HMGA2: variants seen among roughly 807,000 people sequenced by gnomAD.
The protein encoded by HMGA2 is high mobility group AT-hook 2.
Under a neutral mutation model 19.1 loss-of-function variants are expected in HMGA2, and 8 were observed. The ratio of observed to expected loss-of-function variants is 0.42; its 90% confidence interval spans 0.25 to 0.76. The LOEUF is 0.76. Ranked by LOEUF, HMGA2 falls within the 30% of genes least tolerant of loss-of-function variation. The probability of loss-of-function intolerance (pLI) is 0.28; values close to 1 mark genes in which losing one functional copy is unlikely to be tolerated. For synonymous variants in HMGA2, 60 were observed against 48.8 expected (o/e 1.23, Z -0.96); for missense variants, 109 against 136.3 (o/e 0.80, Z 1.00).
chr12:65,867,345 A>G (rs1872478806), intron 3 of HMGA2: 2 of 333,740 alleles, frequency 6.0e-6, no homozygotes. Context: ...GAAAATCTGG[A>G]GGCCTTCTCA....
At chr12:65,872,401 G>C (rs1468373328) in intron 3 of HMGA2, among the ~76,000 whole-genome samples, 1 of 152,094 alleles carries the variant, frequency 6.6e-6, no homozygotes, top group African/African-American at 2.4e-5. Flanking sequence ...CTCGTCTCCA[G>C]GGTTATATCT....
intron 3 of HMGA2, among the ~76,000 whole-genome samples, chr12:65,883,383 C>A (rs976641468): frequency 6.6e-6 from 1 of 152,228 alleles, no homozygotes; most frequent in Non-Finnish European, 1.5e-5. Flanking sequence ...AATACCATTT[C>A]TTGAGCCCTT....
At chr12:65,949,947 A>C (rs561954951) in intron 3 of HMGA2, among the ~76,000 whole-genome samples, 2 of 152,350 alleles carry the variant, frequency 1.3e-5, no homozygotes, top group East Asian at 3.9e-4. Context: ...AGCACATGAA[A>C]AGATGCTCAA....
intron 3 of HMGA2, among the ~76,000 whole-genome samples, chr12:65,917,176 G>A (rs1271738552): frequency 6.6e-6 from 1 of 152,110 alleles, no homozygotes; most frequent in Non-Finnish European, 1.5e-5. Flanking sequence ...GGGGCACTAA[G>A]TGGTAATGCA....
chr12:65,918,388 G>A (rs1191099101), intron 3 of HMGA2, among the ~76,000 whole-genome samples: 1 of 152,214 alleles, frequency 6.6e-6, no homozygotes, highest in African/African-American at 2.4e-5. Flanking sequence ...GTGCACATAG[G>A]AAATGTAAGC....
chr12:65,826,373 T>G (rs972541056), intron 1 of HMGA2: 1 of 152,104 alleles, frequency 6.6e-6, no homozygotes, highest in African/African-American at 2.4e-5. Context: ...CGCTGTAATT[T>G]CCAAGCCGCG....
At chr12:65,865,255 T>G (rs1275204663) in intron 3 of HMGA2, among the ~76,000 whole-genome samples, 1 of 152,176 alleles carries the variant, frequency 6.6e-6, no homozygotes, top group East Asian at 1.9e-4. Context: ...CAGTTAAGTT[T>G]TGTGGAGTCA....
At chr12:65,929,381 CACTT>C (rs1287143020) in intron 3 of HMGA2, among the ~76,000 whole-genome samples, 1 of 150,998 alleles carries the variant, frequency 6.6e-6, no homozygotes, top group Non-Finnish European at 1.5e-5. Context: ...TAATTTTAAA[CACTT>C]ACTTGTTTTA....
intron 3 of HMGA2, among the ~76,000 whole-genome samples, chr12:65,846,696 G>A (rs1018035016): frequency 2.0e-5 from 3 of 152,140 alleles, no homozygotes; most frequent in Non-Finnish European, 2.9e-5. Context: ...AAACCCTAGA[G>A]TTCCAGTTCT....
intron 3 of HMGA2, among the ~76,000 whole-genome samples, chr12:65,840,852 T>C (rs150551400): frequency 2.4e-3 from 366 of 152,296 alleles, no homozygotes; most frequent in Non-Finnish European, 4.2e-3. Context: ...CAGTGGCAGT[T>C]AACCAGCAAA....
At chr12:65,952,396 T>A in intron 4 of HMGA2, 1 of 1,534,958 alleles carries the variant, frequency 6.5e-7, no homozygotes, top group Non-Finnish European at 8.7e-7. Flanking sequence ...CCGGGCAATC[T>A]TATATATCTA....
intron 3 of HMGA2, among the ~76,000 whole-genome samples, chr12:65,885,248 CT>C (rs1873604683): frequency 2.6e-5 from 4 of 151,764 alleles, no homozygotes; most frequent in Admixed American, 2.0e-4. Context: ...ATTTATCTTC[CT>C]TTTTTTTCTG....
intron 3 of HMGA2, among the ~76,000 whole-genome samples, chr12:65,879,806 T>G (rs189816924): frequency 8.2e-4 from 125 of 152,340 alleles, no homozygotes; most frequent in Non-Finnish European, 1.5e-3. Context: ...ATATATTCTA[T>G]GTATATATCC....
chr12:65,920,949 A>C (rs1394943413), intron 3 of HMGA2, among the ~76,000 whole-genome samples: 6 of 152,338 alleles, frequency 3.9e-5, no homozygotes, highest in Non-Finnish European at 5.9e-5. Context: ...GAAGACAGGA[A>C]AATGTGGGAA....
At chr12:65,890,256 A>G (rs1873845539) in intron 3 of HMGA2, among the ~76,000 whole-genome samples, 1 of 152,138 alleles carries the variant, frequency 6.6e-6, no homozygotes, top group African/African-American at 2.4e-5. Context: ...ACTCAACTCA[A>G]TAGTACAGAG....
chr12:65,939,761 T>C (rs1876023857), intron 3 of HMGA2, among the ~76,000 whole-genome samples: 1 of 152,172 alleles, frequency 6.6e-6, no homozygotes, highest in South Asian at 2.1e-4. Flanking sequence ...AATGAACACA[T>C]GCACGGGAGC....
At chr12:65,893,232 C>T (rs771848179) in intron 3 of HMGA2, among the ~76,000 whole-genome samples, 3 of 152,166 alleles carry the variant, frequency 2.0e-5, no homozygotes, top group African/African-American at 4.8e-5. Context: ...TGCAGCAAGA[C>T]CCATTTTGTT....
In HMGA2 at chr12:65,858,249, AGAGT is replaced by A. The variant is rs562452649; in HGVS notation, c.249+19681_249+19684del. ...GAGAAAATGAATGTGTATACATACA[AGAGT>A]AAGTCAGATTGTTAGACTCATCCCT... On this transcript the variant is annotated intron_variant, in intron 3 of 4. Transcript: ENST00000403681. 2.2e-4 allele frequency: 34 copies of A among 152,746 alleles called. 1 individual carries two copies. In the South Asian group the frequency reaches 7.1e-3, roughly 32 times the overall value. 9.5% of individuals were successfully genotyped at this position (152,746 alleles called of 1,614,324 possible).
At chr12:65,885,899 AGGAACCCTTAGTTCCG>A (rs1873636304) in intron 3 of HMGA2, among the ~76,000 whole-genome samples, 1 of 152,204 alleles carries the variant, frequency 6.6e-6, no homozygotes, top group Non-Finnish European at 1.5e-5. Context: ...TTAAATGGGG[AGGAACCCTTAGTTCCG>A]GGAACTGCCC....
Sources: gnomAD v4.1 joint callset for allele counts (sites outside exome capture counted in the v4.1 genomes callset) on GRCh38, gnomAD v4.1.1 for gene constraint, MANE v1.5 for transcripts, NCBI Gene and HGNC (gene_info 2026-07-23, HGNC 2026-07-21) for gene names.